PDZD9: variants seen among roughly 807,000 people sequenced by gnomAD.
PDZD9 encodes PDZ domain-containing protein 9.
PDZD9 carries 13 observed loss-of-function variants against 16.3 expected under a neutral mutation model. The observed-to-expected ratio is 0.80, with a 90% CI of 0.52 to 1.27. The LOEUF (loss-of-function observed/expected upper bound fraction) is 1.27, where lower values mean the gene tolerates loss of function less well. Among genes scored for constraint, PDZD9 ranks in the 50% most tolerant of loss-of-function variants. The pLI is 0.00. For missense variants in PDZD9, 288 were observed against 310.9 expected, an observed-to-expected ratio of 0.93 and a Z score of 0.55; for synonymous variants, 120 against 111.0, an observed-to-expected ratio of 1.08 and a Z score of -0.51.
rs1350446303 is a variant in PDZD9, at chr16:22,000,873, GATA to G, written c.31+141_31+143del. The G allele has an allele frequency of 3.5e-4, 218 of 630,696 alleles. 2 individuals are homozygous for G. Among genetic ancestry groups the G allele is most frequent in the South Asian group, 2.4e-3 (123 of 52,304 alleles). The allele number at this position is 630,696 out of a possible 1,614,324, so 39.1% of individuals were successfully genotyped here. ...TGATGATGATGATGATGATGATGAT[GATA>G]ATGATGATGATGATAACAACAACGA... On this transcript the variant is annotated intron_variant, in intron 1 of 3. Coordinates refer to ENST00000424898, the MANE Select transcript of PDZD9 (RefSeq NM_001363519.1).
chr16:21,967,487 G>A, the PDZD9 span, among the ~76,000 whole-genome samples: 1 of 151,868 alleles, frequency 6.6e-6, no homozygotes, highest in Admixed American at 6.6e-5. Context: ...CATCTGGAAA[G>A]GATAGCATTT....
chr16:21,988,631 T>G lies in PDZD9; in HGVS notation c.372A>C (p.Leu124Phe). Reference sequence around the variant, plus strand: ...TTACTGGGAATTTGGCCTCAGGGATTAAATCATATATTTCTTGCCATTCTT... The same window carrying G: ...TTACTGGGAATTTGGCCTCAGGGATGAAATCATATATTTCTTGCCATTCTT... ...IPEEWQEIYDLIPEAKFPVTS... is the reference protein window; with the variant it reads ...IPEEWQEIYDFIPEAKFPVTS... Residue 124 changes from leucine (L) to phenylalanine (F), a missense_variant, in exon 3 of 4, where the codon TTA (leucine) becomes TTC (phenylalanine). Transcript: ENST00000424898. 6.2e-7 allele frequency: 1 copy of G among 1,612,466 alleles called. No individual in the cohort carries two copies. The highest frequency in any genetic ancestry group is 8.5e-7 in the Non-Finnish European group (1 of 1,179,306).
At chr16:21,985,698 G>T (rs1039215197) in intron 3 of PDZD9, among the ~76,000 whole-genome samples, 1 of 152,198 alleles carries the variant, frequency 6.6e-6, no homozygotes, top group Non-Finnish European at 1.5e-5. Context: ...CCTGCTAAAA[G>T]GAAATAGGTT....
At chr16:21,971,569 A>G in the PDZD9 span, 3 of 1,614,050 alleles carry the variant, frequency 1.9e-6, no homozygotes, top group South Asian at 3.3e-5. Context: ...ACAGTTTCTC[A>G]ACATGAGGGG....
At chr16:21,983,023 T>C, downstream of PDZD9, 1 of 1,446,236 alleles carries the variant, frequency 6.9e-7, no homozygotes, top group Non-Finnish European at 9.6e-7. Context: ...ACAAAATAAG[T>C]TCGCCTGCTT....
At chr16:21,967,723 T>C in the PDZD9 span, among the ~76,000 whole-genome samples, 16 of 152,144 alleles carry the variant, frequency 1.1e-4, no homozygotes, top group Non-Finnish European at 4.4e-5. Flanking sequence ...CGTTTTTGTT[T>C]TTCAAGCTGA....
At chr16:21,960,640 C>CTT in the PDZD9 span, among the ~76,000 whole-genome samples, 1 of 152,072 alleles carries the variant, frequency 6.6e-6, no homozygotes, top group Non-Finnish European at 1.5e-5. Flanking sequence ...TCCTTTCTAG[C>CTT]TTCTGATTTA....
chr16:21,961,668 A>ATATATATATATATATATATATTTT, the PDZD9 span, among the ~76,000 whole-genome samples: 1 of 116,048 alleles, frequency 8.6e-6, no homozygotes, highest in Admixed American at 8.9e-5. Context: ...ATATATATAT[A>ATATATATATATATATATATATTTT]TTTTAGACAG....
chr16:21,958,679 G>C, the PDZD9 span: 1 of 1,241,696 alleles, frequency 8.1e-7, no homozygotes, highest in South Asian at 1.3e-5. Context: ...TGTTATCAAG[G>C]AGGTTGAGGA....
At chr16:21,963,956 A>C in the PDZD9 span, among the ~76,000 whole-genome samples, 1 of 152,148 alleles carries the variant, frequency 6.6e-6, no homozygotes, top group Non-Finnish European at 1.5e-5. Context: ...ATGTTTATAT[A>C]ATGTCTAATT....
At chr16:21,965,168 A>C in the PDZD9 span, among the ~76,000 whole-genome samples, 1 of 152,364 alleles carries the variant, frequency 6.6e-6, no homozygotes, top group Non-Finnish European at 1.5e-5. Context: ...AAAGTGGTTT[A>C]GGTGGACTCC....
the PDZD9 span, among the ~76,000 whole-genome samples, chr16:21,978,455 G>T: frequency 2.0e-5 from 3 of 152,194 alleles, no homozygotes; most frequent in African/African-American, 7.2e-5. Flanking sequence ...TTTATTTCAA[G>T]TGGATGCTTT....
rs1898821963 is a variant in PDZD9 at position 21,984,470 on chromosome 16, C to T, written c.592G>A (p.Val198Ile). ...GYKKKNHTIS[V>I]GKDINCDVMI... ...ACGTCACAATTAATGTCTTTTCCTA[C>T]ACTAATAGTATGGTTCTTCTTCTTA... The change falls in exon 4 of 4, where the codon GTA becomes ATA. Residue 198 changes from valine to isoleucine, a missense_variant. Coordinates refer to ENST00000424898, the MANE Select transcript of PDZD9 (RefSeq NM_001363519.1). The T allele has an allele frequency of 6.2e-7, 1 of 1,613,410 alleles. No homozygotes were observed. Among genetic ancestry groups the T allele is most frequent in the African/African-American group, 1.3e-5 (1 of 74,920 alleles).
chr16:21,998,320 C>G (rs1899200473), intron 1 of PDZD9: 3 of 214,106 alleles, frequency 1.4e-5, no homozygotes, highest in South Asian at 1.7e-4. Flanking sequence ...AAGGACATGT[C>G]TCAGGAGTTT....
intron 1 of PDZD9, among the ~76,000 whole-genome samples, chr16:22,000,546 A>G (rs1229034173): frequency 6.6e-6 from 1 of 151,538 alleles, no homozygotes; most frequent in Non-Finnish European, 1.5e-5. Context: ...AAAAGGGGGG[A>G]TCTTACTGCA....
downstream of PDZD9, among the ~76,000 whole-genome samples, chr16:21,980,038 C>A (rs1898678731): frequency 6.6e-6 from 1 of 152,166 alleles, no homozygotes; most frequent in African/African-American, 2.4e-5. Flanking sequence ...TATGAGATAA[C>A]CTGGGCCAAG....
chr16:21,961,373 G>A, the PDZD9 span: 1 of 435,114 alleles, frequency 2.3e-6, no homozygotes, highest in Non-Finnish European at 4.7e-6. Context: ...CCACTATACA[G>A]CCATTACGGA....
the PDZD9 span, chr16:21,968,700 T>C: frequency 1.3e-6 from 2 of 1,599,788 alleles, no homozygotes; most frequent in East Asian, 4.5e-5. Flanking sequence ...GTTTAGAGTA[T>C]TGCCTGCCTG....
chr16:21,961,274 T>A, the PDZD9 span: 1 of 426,584 alleles, frequency 2.3e-6, no homozygotes, highest in Non-Finnish European at 4.7e-6. Flanking sequence ...TTTAATCACA[T>A]TCACAAAGGT....
Sources: gnomAD v4.1 joint callset for allele counts (sites outside exome capture counted in the v4.1 genomes callset) on GRCh38, gnomAD v4.1.1 for gene constraint, MANE v1.5 for transcripts, NCBI Gene and HGNC (gene_info 2026-07-23, HGNC 2026-07-21) for gene names.